Variants in PSPH observed in about 807,000 individuals in gnomAD.
PSPH encodes phosphoserine phosphatase, also known as L-3-phosphoserine phosphatase.
In PSPH, 16 loss-of-function variants were observed where a neutral mutation model predicts 23.4. That is an observed-to-expected ratio of 0.68 (90% confidence interval 0.46 to 1.04). The LOEUF is 1.04. PSPH is among the 50% of genes least tolerant of loss of function. The pLI, the probability that PSPH is intolerant of heterozygous loss-of-function variation, is 0.00. For missense variants in PSPH, 223 were observed against 273.7 expected, an observed-to-expected ratio of 0.81 and a Z score of 1.31; for synonymous variants, 68 against 99.7, an observed-to-expected ratio of 0.68 and a Z score of 1.89.
intron 7 of PSPH, among the ~76,000 whole-genome samples, chr7:56,014,295 C>T (rs918568544): frequency 3.3e-5 from 5 of 152,174 alleles, no homozygotes; most frequent in African/African-American, 1.2e-4. Context: ...ATTGAGCACA[C>T]ACCTAGGCTA....
chr7:56,035,575 T>C (rs1791616673), intron 1 of PSPH, among the ~76,000 whole-genome samples: 2 of 151,998 alleles, frequency 1.3e-5, no homozygotes, highest in South Asian at 4.1e-4. Flanking sequence ...GGACACTTGG[T>C]CACAGCATCT....
At chr7:56,041,111 C>T (rs1041905257) in intron 1 of PSPH, among the ~76,000 whole-genome samples, 1 of 152,044 alleles carries the variant, frequency 6.6e-6, no homozygotes, top group Non-Finnish European at 1.5e-5. Context: ...CGCCTGTAAT[C>T]CAAACACTTT....
At chr7:56,029,194 G>T (rs1790609921) in intron 3 of PSPH, among the ~76,000 whole-genome samples, 1 of 152,086 alleles carries the variant, frequency 6.6e-6, no homozygotes. Context: ...GCTATAGGGG[G>T]AAAAAGTCTG....
At chr7:56,035,573 G>C (rs1051224941) in intron 1 of PSPH, among the ~76,000 whole-genome samples, 1 of 151,912 alleles carries the variant, frequency 6.6e-6, no homozygotes, top group African/African-American at 2.4e-5. Context: ...CAGGACACTT[G>C]GTCACAGCAT....
At chr7:56,017,747 T>C in intron 5 of PSPH, among the ~76,000 whole-genome samples, 1 of 130,006 alleles carries the variant, frequency 7.7e-6, no homozygotes, top group Non-Finnish European at 1.6e-5. Flanking sequence ...AGATGGAGTC[T>C]CCCTCTGTCT....
At chr7:56,023,642 G>T (rs1273073398) in intron 3 of PSPH, among the ~76,000 whole-genome samples, 1 of 151,932 alleles carries the variant, frequency 6.6e-6, no homozygotes, top group Non-Finnish European at 1.5e-5. Context: ...TCCTATCAGA[G>T]ACTAATATGT....
intron 1 of PSPH, among the ~76,000 whole-genome samples, chr7:56,043,703 G>A (rs1445577546): frequency 2.0e-5 from 3 of 148,584 alleles, no homozygotes; most frequent in Admixed American, 6.9e-5. Context: ...TTCACTGGGC[G>A]TGGTGGCGCA....
chr7:56,031,140 A>G (rs1292136218), intron 3 of PSPH, among the ~76,000 whole-genome samples: 4 of 150,538 alleles, frequency 2.7e-5, no homozygotes, highest in Non-Finnish European at 5.9e-5. Context: ...GAACCCGGGA[A>G]GCGGAGCTTG....
intron 3 of PSPH, among the ~76,000 whole-genome samples, chr7:56,029,492 T>TA (rs59890123): frequency 0.21 from 16,297 of 76,692 alleles, 1,883 homozygotes; most frequent in East Asian, 0.4. Flanking sequence ...ACCAACTGAT[T>TA]AAAAAAAAAA....
In PSPH at chr7:56,051,433, G is replaced by A; in HGVS notation, c.-587C>T. On this transcript the variant is annotated 5_prime_UTR_variant, in exon 1 of 8. Transcript: ENST00000275605. ...AGGGCACCGTCGAGCACACGGTCCG[G>A]GAAGCTCCAATGAAACGGAACAAAC... 1.7e-5 allele frequency: 4 copies of A among 235,480 alleles called. No individual in the cohort carries two copies. In the South Asian group the frequency reaches 1.9e-4, roughly 11 times the overall value. The allele number at this position is 235,480 out of a possible 1,614,324, so 14.6% of individuals were successfully genotyped here.
At chr7:56,016,874 G>A (rs1788628344) in intron 6 of PSPH, among the ~76,000 whole-genome samples, 1 of 152,052 alleles carries the variant, frequency 6.6e-6, no homozygotes, top group African/African-American at 2.4e-5. Flanking sequence ...ACCGTGCCCA[G>A]CCAAAAGTCT....
At chr7:56,026,273 C>T (rs1026120907) in intron 3 of PSPH, among the ~76,000 whole-genome samples, 28 of 151,802 alleles carry the variant, frequency 1.8e-4, no homozygotes, top group Non-Finnish European at 3.5e-4. Context: ...GTCAGGAGTT[C>T]GAGACCCGCC....
chr7:56,026,719 G>A (rs991596769), intron 3 of PSPH, among the ~76,000 whole-genome samples: 4 of 152,030 alleles, frequency 2.6e-5, no homozygotes, highest in African/African-American at 9.7e-5. Context: ...CATACTACAT[G>A]CCCAGGCAGG....
chr7:56,014,986 T>A (rs1788392192), intron 7 of PSPH, 37 bp downstream of exon 7: 1 of 1,567,308 alleles, frequency 6.4e-7, no homozygotes, highest in Non-Finnish European at 8.7e-7. Context: ...AAAACAAAAG[T>A]ACAACCTGAA....
At chr7:56,031,199 C>G (rs1446600712) in intron 3 of PSPH, among the ~76,000 whole-genome samples, 1 of 143,330 alleles carries the variant, frequency 7.0e-6, no homozygotes, top group Non-Finnish European at 1.5e-5. Context: ...GCCTGGGCGA[C>G]AGAGCGAGAC....
chr7:56,048,344 A>G (rs1162868459), intron 1 of PSPH, among the ~76,000 whole-genome samples: 3 of 152,096 alleles, frequency 2.0e-5, no homozygotes, highest in African/African-American at 4.8e-5. Flanking sequence ...AGTAAGGGAC[A>G]GTCTGTAAAA....
intron 1 of PSPH, among the ~76,000 whole-genome samples, chr7:56,047,114 T>G (rs1793351389): frequency 6.6e-6 from 1 of 151,916 alleles, no homozygotes; most frequent in Non-Finnish European, 1.5e-5. Flanking sequence ...CTGGGTACAG[T>G]GGCTCACGCC....
chr7:56,015,179 G>T lies in PSPH; in HGVS notation c.422-8C>A. The T allele has an allele frequency of 6.2e-7, 1 of 1,613,636 alleles. No individual in the cohort carries two copies. The highest frequency in any genetic ancestry group is 1.1e-5 in the South Asian group (1 of 91,070). On this transcript the variant is annotated splice_region_variant and splice_polypyrimidine_tract_variant and intron_variant, in intron 6 of 7. Coordinates refer to ENST00000275605, the MANE Select transcript of PSPH (RefSeq NM_004577.4). ...CAAAACCTGCATATTCACCTTAAAAGAGAAATAAAAATAGGGTTAAAGACC... is the reference window on the plus strand; with the variant it reads ...CAAAACCTGCATATTCACCTTAAAATAGAAATAAAAATAGGGTTAAAGACC...
At chr7:56,050,761 CAT>C (rs1483935555) in intron 1 of PSPH, among the ~76,000 whole-genome samples, 5 of 152,208 alleles carry the variant, frequency 3.3e-5, no homozygotes, top group Non-Finnish European at 5.9e-5. Context: ...TCCGAAAATT[CAT>C]AGAGTACCCA....
Sources: allele counts gnomAD v4.1 joint callset (sites outside exome capture counted in the v4.1 genomes callset), GRCh38; gene constraint gnomAD v4.1.1; transcripts MANE v1.5; gene names NCBI Gene and HGNC (gene_info 2026-07-23, HGNC 2026-07-21).